The following PRMT3 variants were observed in gnomAD, a reference collection of about 807,000 sequenced individuals.
The protein encoded by PRMT3 is protein arginine methyltransferase 3.
PRMT3 carries 62 observed loss-of-function variants against 71.9 expected under a neutral mutation model. The ratio of observed to expected loss-of-function variants is 0.86; its 90% confidence interval spans 0.70 to 1.07. The LOEUF (loss-of-function observed/expected upper bound fraction) is 1.07. PRMT3 is among the 50% of genes least tolerant of loss of function. The pLI is 0.00. For synonymous variants in PRMT3, 213 were observed against 220.4 expected (o/e 0.97, Z 0.30); for missense variants, 663 against 643.0 (o/e 1.03, Z -0.34).
chr11:20,409,576 T>C (rs1849148710), intron 9 of PRMT3, among the ~76,000 whole-genome samples: 1 of 152,022 alleles, frequency 6.6e-6, no homozygotes, highest in Admixed American at 6.6e-5. Context: ...TCAGTGTTAA[T>C]GGAAAAATTG....
chr11:20,429,997 A>G (rs1173418409), intron 10 of PRMT3, among the ~76,000 whole-genome samples: 1 of 152,126 alleles, frequency 6.6e-6, no homozygotes, highest in Non-Finnish European at 1.5e-5. Context: ...TAATTAAACA[A>G]AGGGCAGGTA....
rs1851278274 is a variant in PRMT3, at chr11:20,494,152, A to T, written c.1399-15A>T. 6.3e-7 allele frequency: 1 copy of T among 1,580,468 alleles called. No individual in the cohort carries two copies. On this transcript the variant is annotated splice_polypyrimidine_tract_variant and intron_variant, in intron 14 of 15. Coordinates refer to ENST00000331079, the MANE Select transcript of PRMT3 (RefSeq NM_005788.4). ...CTTGTACTTCATCAAATACCTTTGA[A>T]CTTTACCAATTCAGGTCGTGTTCTC...
intron 9 of PRMT3, among the ~76,000 whole-genome samples, chr11:20,420,348 G>A (rs1849398564): frequency 6.6e-6 from 1 of 152,164 alleles, no homozygotes; most frequent in Non-Finnish European, 1.5e-5. Flanking sequence ...AAAACTGTTA[G>A]TAAACTAGAG....
rs1341731452 is a variant in PRMT3, at chr11:20,387,912, G to A, written c.29-107G>A. ...GGATCATGAAGGAGGTGCTGAGTGA[G>A]GGCCGCGGGCGAACGGGGCGGAGGA... On this transcript the variant is annotated intron_variant, in intron 1 of 15. Coordinates refer to ENST00000331079, the MANE Select transcript of PRMT3 (RefSeq NM_005788.4). The surrounding 1 kb of genome is among the most constrained non-coding windows in gnomAD (Gnocchi z 4.3). 2.5e-6 allele frequency: 4 copies of A among 1,570,882 alleles called. No individual in the cohort carries two copies. The highest frequency in any genetic ancestry group is 3.6e-5 in the Admixed American group (2 of 55,124).
intron 10 of PRMT3, among the ~76,000 whole-genome samples, chr11:20,451,383 C>A (rs1013219606): frequency 6.6e-5 from 10 of 151,938 alleles, no homozygotes; most frequent in African/African-American, 2.4e-4. Flanking sequence ...ACCATGAGAA[C>A]TACTCAGAAC....
intron 4 of PRMT3, 120 bp downstream of exon 4, chr11:20,392,380 A>T (rs1848733776): frequency 3.8e-6 from 4 of 1,051,522 alleles, no homozygotes; most frequent in African/African-American, 1.6e-5. Flanking sequence ...TACTCATCAT[A>T]TTGGGGGAAT....
intron 10 of PRMT3, among the ~76,000 whole-genome samples, chr11:20,448,601 A>G (rs928981378): frequency 5.9e-5 from 9 of 151,788 alleles, no homozygotes; most frequent in Non-Finnish European, 1.3e-4. Flanking sequence ...TTGCCTAGAG[A>G]TGTATCAGTA....
rs140934632 is a variant in PRMT3 at position 20,461,014 on chromosome 11, A to C, written c.1073-966A>C. Among the ~76,000 whole-genome samples the C allele has an allele frequency of 1.9e-3, 285 of 152,292 alleles. 2 individuals carry two copies. The highest frequency in any genetic ancestry group is 6.6e-3 in the African/African-American group (274 of 41,564). Reference sequence around the variant, plus strand: ...GGTGGTTTGTCTAAAATCAAAATCTAGTCATGTTGCTACCCTATGTAAAAT... The same window carrying C: ...GGTGGTTTGTCTAAAATCAAAATCTCGTCATGTTGCTACCCTATGTAAAAT... On this transcript the variant is annotated intron_variant, in intron 11 of 15. Transcript: ENST00000331079.
intron 10 of PRMT3, among the ~76,000 whole-genome samples, chr11:20,445,761 T>G (rs1384982490): frequency 1.3e-5 from 2 of 152,150 alleles, no homozygotes; most frequent in Non-Finnish European, 2.9e-5. Flanking sequence ...CCACTTATAC[T>G]TACATCCCTA....
At chr11:20,406,295 G>A (rs1273156298) in intron 8 of PRMT3, 4 of 152,170 alleles carry the variant, frequency 2.6e-5, no homozygotes, top group Non-Finnish European at 5.9e-5. Context: ...AGAGAAAGAA[G>A]ACTTCATGTT....
At chr11:20,391,061 AAT>A (rs1441108051) in intron 3 of PRMT3, among the ~76,000 whole-genome samples, 40 of 152,122 alleles carry the variant, frequency 2.6e-4, no homozygotes, top group African/African-American at 5.3e-4. Flanking sequence ...AAAAAAAAAA[AAT>A]AATAGGTTTT....
At chr11:20,426,671 C>T (rs899122537) in intron 9 of PRMT3, 95 bp from the exon 10 acceptor site, 37 of 1,222,814 alleles carry the variant, frequency 3.0e-5, no homozygotes, top group Non-Finnish European at 3.8e-5. Context: ...TTTTTTGTCC[C>T]ACAAAACAAT....
At chr11:20,411,142 A>T (rs1305197581) in intron 9 of PRMT3, among the ~76,000 whole-genome samples, 1 of 152,114 alleles carries the variant, frequency 6.6e-6, no homozygotes, top group African/African-American at 2.4e-5. Context: ...GCTTTTCATT[A>T]AAATTATTAG....
Position 20,397,720 on chromosome 11 carries a change from A to G in PRMT3, c.704A>G (p.Lys235Arg). 4 of 1,613,138 alleles carry G rather than the reference A, an allele frequency of 2.5e-6. No homozygotes were observed. The highest frequency in any genetic ancestry group is 3.4e-6 in the Non-Finnish European group (4 of 1,179,686). Reference sequence around the variant, plus strand: ...TATGGGATACATGAAGAAATGCTAAAGGTTAGAAAAGAACACAAATGCGTC... The same window carrying G: ...TATGGGATACATGAAGAAATGCTAAGGGTTAGAAAAGAACACAAATGCGTC... ...GHYGIHEEMLKDKIRTESYRD... is the reference protein window; with the variant it reads ...GHYGIHEEMLRDKIRTESYRD... The change falls in exon 7 of 16, where the codon AAG (lysine) becomes AGG (arginine). Residue 235 changes from lysine (K) to arginine (R), a missense_variant and splice_region_variant. By Grantham distance (26) the Lys-to-Arg change is conservative (BLOSUM62 2). Transcript: ENST00000331079.
intron 10 of PRMT3, among the ~76,000 whole-genome samples, chr11:20,440,671 C>G (rs1209785954): frequency 7.1e-6 from 1 of 140,182 alleles, no homozygotes; most frequent in Non-Finnish European, 1.6e-5. Context: ...TAGTATTCTA[C>G]TATATATTAA....
At chr11:20,477,479 C>T in intron 13 of PRMT3, among the ~76,000 whole-genome samples, 1 of 151,906 alleles carries the variant, frequency 6.6e-6, no homozygotes. Context: ...ATCACTTGAA[C>T]CTGGAGGTGA....
In PRMT3 at chr11:20,387,956, TCCTCGAGC is replaced by T. The variant is rs1260875331; in HGVS notation, c.29-60_29-53del. 6.2e-7 allele frequency: 1 copy of T among 1,608,366 alleles called. No individual in the cohort carries two copies. The highest frequency in any genetic ancestry group is 8.5e-7 in the Non-Finnish European group (1 of 1,177,086). On this transcript the variant is annotated intron_variant, in intron 1 of 15. Transcript: ENST00000331079. The surrounding 1 kb of genome is among the most constrained non-coding windows in gnomAD (Gnocchi z 4.3). ...CGGAGGAGAGCCCATCGTCACCTGC[TCCTCGAGC>T]CCCCGGGCCGCACCGGTGTCCGAGG...
At chr11:20,406,887 G>A (rs375417172) in intron 8 of PRMT3, 20 of 152,208 alleles carry the variant, frequency 1.3e-4, no homozygotes, top group South Asian at 8.3e-4. Flanking sequence ...TTTTTCTAAC[G>A]ATTAGTGATT....
chr11:20,432,996 C>T (rs1849686371), intron 10 of PRMT3, among the ~76,000 whole-genome samples: 1 of 152,018 alleles, frequency 6.6e-6, no homozygotes, highest in Non-Finnish European at 1.5e-5. Context: ...TGCAGATTAT[C>T]TCTTTACTCT....
Sources: gnomAD v4.1 joint callset for allele counts (sites outside exome capture counted in the v4.1 genomes callset) on GRCh38, gnomAD v4.1.1 for gene constraint, Gnocchi (gnomAD v3.1) non-coding constraint, MANE v1.5 for transcripts, NCBI Gene and HGNC (gene_info 2026-07-23, HGNC 2026-07-21) for gene names.